Variants in MLH3 observed in about 807,000 individuals in gnomAD.
MLH3 encodes the protein mutL homolog 3, also known as DNA mismatch repair protein Mlh3.
A neutral mutation model predicts 122.2 loss-of-function variants in MLH3; 82 were observed. That is an observed-to-expected ratio of 0.67 (90% CI 0.56 to 0.81). The LOEUF (loss-of-function observed/expected upper bound fraction) is 0.81. Ranked by LOEUF, MLH3 falls within the 30% of genes least tolerant of loss-of-function variation. MLH3 has a pLI of 0.00. For missense variants in MLH3, 1,539 were observed against 1,714.5 expected, an observed-to-expected ratio of 0.90 and a Z score of 1.81; for synonymous variants, 524 against 599.5, an observed-to-expected ratio of 0.87 and a Z score of 1.84.
chr14:75,031,854 A>C (rs1411230973), intron 8 of MLH3, among the ~76,000 whole-genome samples: 1 of 152,196 alleles, frequency 6.6e-6, no homozygotes, highest in East Asian at 1.9e-4. Flanking sequence ...TGCAGAAAAA[A>C]ATATATTTTA....
At chr14:75,039,425 A>C (rs1891655550) in intron 5 of MLH3, among the ~76,000 whole-genome samples, 1 of 152,140 alleles carries the variant, frequency 6.6e-6, no homozygotes, top group African/African-American at 2.4e-5. Context: ...CAAAATAGAA[A>C]AGCAGATCAG....
At position 75,038,386 on chromosome 14, in the gene MLH3, A is replaced by G; in HGVS notation, c.3597T>C (p.Phe1199=). The G allele has an allele frequency of 6.2e-7, 1 of 1,613,724 alleles. No individual in the cohort carries two copies. Among genetic ancestry groups the G allele is most frequent in the Non-Finnish European group, 8.5e-7 (1 of 1,179,670 alleles). The change falls in exon 6 of 13, where the codon TTT becomes TTC. Residue 1199 remains phenylalanine, a synonymous_variant. Coordinates refer to ENST00000355774, the MANE Select transcript of MLH3 (RefSeq NM_001040108.2). ...TCTTAGTGCTCATCAAACAGGCAAT[A>G]AACTTGTTATCTACTTGCTGGAGAA... The part of the protein sequence containing the change: ...MQVLQQVDNK[F]IACLMSTKTE...
intron 11 of MLH3, among the ~76,000 whole-genome samples, 159 bp downstream of exon 11, chr14:75,022,653 TAA>T (rs1311590752): frequency 6.6e-6 from 1 of 152,254 alleles, no homozygotes. Flanking sequence ...TTTGTTTTTG[TAA>T]AAGTGATTTT....
intron 6 of MLH3, among the ~76,000 whole-genome samples, 166 bp from the exon 7 acceptor site, chr14:75,033,656 G>C: frequency 6.6e-6 from 1 of 152,052 alleles, no homozygotes; most frequent in South Asian, 2.1e-4. Flanking sequence ...TGAAATTATG[G>C]GGAAAATGAT....
At chr14:75,035,107 T>A (rs960486027) in intron 6 of MLH3, among the ~76,000 whole-genome samples, 7 of 144,008 alleles carry the variant, frequency 4.9e-5, no homozygotes, top group African/African-American at 1.3e-4. Context: ...AAAGAGAAAT[T>A]TCAACAGATC....
intron 5 of MLH3, 33 bp from the exon 6 acceptor site, chr14:75,038,445 A>G: frequency 7.3e-7 from 1 of 1,371,342 alleles, no homozygotes; most frequent in Non-Finnish European, 1.0e-6. Context: ...GTACAACACT[A>G]AATAAAAATT....
intron 12 of MLH3, among the ~76,000 whole-genome samples, chr14:75,018,399 A>G (rs902206561): frequency 6.6e-6 from 1 of 152,188 alleles, no homozygotes; most frequent in Non-Finnish European, 1.5e-5. Flanking sequence ...ATCCTTGGGG[A>G]TGGCCAGCTA....
chr14:75,015,870 A>T lies in MLH3; in HGVS notation c.*1212T>A, dbSNP rs1889857852. 4.4e-6 allele frequency: 1 copy of T among 228,286 alleles called. No homozygotes were observed. Among genetic ancestry groups the T allele is most frequent in the Non-Finnish European group, 8.7e-6 (1 of 114,962 alleles). The allele number at this position is 228,286 out of a possible 1,614,324, so 14.1% of individuals were successfully genotyped here. A position where few individuals can be genotyped will look rare whatever the true frequency, so the allele number is the denominator to read the frequency against. ...TGAGCACGAATTGGTTTCCTGTATT[A>T]AAAAATGAGGAAAATCATTCAATTG... On this transcript the variant is annotated 3_prime_UTR_variant, in exon 13 of 13. Transcript: ENST00000355774.
chr14:75,047,150 C>T lies in MLH3; in HGVS notation c.2506G>A (p.Glu836Lys), dbSNP rs750058752. ...NSEKFPFSKDEDCLEQQMPSL... is the reference protein window; with the variant it reads ...NSEKFPFSKDKDCLEQQMPSL... ...GGCATCTGTTGTTCTAAACAATCTTCATCCTTGGAGAATGGAAACTTCTCT... is the reference window on the plus strand; with the variant it reads ...GGCATCTGTTGTTCTAAACAATCTTTATCCTTGGAGAATGGAAACTTCTCT... The change falls in exon 2 of 13, where the codon GAA (glutamate) becomes AAA (lysine). Residue 836 changes from glutamate (E) to lysine (K), a missense_variant. Glu to Lys is a moderately conservative substitution (Grantham distance 56, BLOSUM62 1). Coordinates refer to ENST00000355774, the MANE Select transcript of MLH3 (RefSeq NM_001040108.2). The T allele has an allele frequency of 6.2e-6, 10 of 1,614,076 alleles. No individual in the cohort carries two copies. The highest frequency in any genetic ancestry group is 1.6e-4 in the Middle Eastern group (1 of 6,084).
intron 1 of MLH3, among the ~76,000 whole-genome samples, chr14:75,050,598 C>T (rs28756975): frequency 0.027 from 4,149 of 152,182 alleles, 216 homozygotes; most frequent in African/African-American, 0.095. Context: ...TGGGGTTTCA[C>T]CATGTTAACC....
rs1892502834 is a variant in MLH3, at chr14:75,049,322, T to C, written c.334A>G (p.Lys112Glu). 1 of 1,614,214 alleles carries C rather than the reference T, an allele frequency of 6.2e-7. No individual in the cohort carries two copies. The highest frequency in any genetic ancestry group is 8.5e-7 in the Non-Finnish European group (1 of 1,180,044). ...DMASAVEISSKKNRTMKTFVK... is the reference protein window; with the variant it reads ...DMASAVEISSEKNRTMKTFVK... ...AAAGTTTTCATTGTCCTGTTTTTCTTGGACGAAATTTCCACAGCACTGGCC... is the reference window on the plus strand; with the variant it reads ...AAAGTTTTCATTGTCCTGTTTTTCTCGGACGAAATTTCCACAGCACTGGCC... The change falls in exon 2 of 13, where the codon AAG becomes GAG. Residue 112 changes from lysine (K) to glutamate (E), a missense_variant. Transcript: ENST00000355774.
At position 75,016,113 on chromosome 14, in the gene MLH3, C is replaced by T. The variant is rs921460101; in HGVS notation, c.*969G>A. The stretch of plus-strand genomic sequence containing the variant: ...AATAGATTGAGAATGGCATAACAAG[C>T]ATTTGCAGAACGATCAGTCCTGGTC... On this transcript the variant is annotated 3_prime_UTR_variant, in exon 13 of 13. Transcript: ENST00000355774. 20 of 224,950 alleles carry T rather than the reference C, an allele frequency of 8.9e-5. No homozygotes were observed. In the East Asian group the frequency reaches 1.3e-3, roughly 15 times the overall value. 13.9% of individuals were successfully genotyped at this position (224,950 alleles called of 1,614,324 possible).
chr14:75,035,042 G>T (rs1421098487), intron 6 of MLH3, among the ~76,000 whole-genome samples: 2 of 106,040 alleles, frequency 1.9e-5, no homozygotes, highest in Non-Finnish European at 3.4e-5. Context: ...CCACCTGGGC[G>T]ACAGAGCAAG....
Position 75,049,100 on chromosome 14 carries a change from A to T in MLH3, c.556T>A (p.Ser186Thr), listed in dbSNP as rs777732912. The change falls in exon 2 of 13, where the codon TCT becomes ACT. Residue 186 changes from serine (S) to threonine (T), a missense_variant. Physicochemically the swap from Ser to Thr is moderately conservative, Grantham distance 58 (BLOSUM62 1). Coordinates refer to ENST00000355774, the MANE Select transcript of MLH3 (RefSeq NM_001040108.2). ...GAAACATCATTTCTCAAAGAGAAAGAAATGGAAGGGTGCATGAGTGAGAGA... is the reference window on the plus strand; with the variant it reads ...GAAACATCATTTCTCAAAGAGAAAGTAATGGAAGGGTGCATGAGTGAGAGA... Reference protein sequence around the residue: ...EALSLMHPSISFSLRNDVSGS... With the variant: ...EALSLMHPSITFSLRNDVSGS... 1 of 1,614,168 alleles carries T rather than the reference A, an allele frequency of 6.2e-7. No individual in the cohort carries two copies. Among genetic ancestry groups the T allele is most frequent in the Non-Finnish European group, 8.5e-7 (1 of 1,180,020 alleles).
In MLH3 at chr14:75,014,658, A is replaced by G. The variant is rs571641610; in HGVS notation, c.*2424T>C. 4.8e-6 allele frequency: 1 copy of G among 206,720 alleles called. No individual in the cohort carries two copies. The highest frequency in any genetic ancestry group is 9.9e-6 in the Non-Finnish European group (1 of 101,096). The allele number at this position is 206,720 out of a possible 1,614,324, so 12.8% of individuals were successfully genotyped here. A position where few individuals can be genotyped will look rare whatever the true frequency, so the allele number is the denominator to read the frequency against. On this transcript the variant is annotated 3_prime_UTR_variant, in exon 13 of 13. Coordinates refer to ENST00000355774, the MANE Select transcript of MLH3 (RefSeq NM_001040108.2). Reference sequence around the variant, plus strand: ...TTCACTTCTCAATGAAGTGTTGATGAATGTTACAGAAAAAGGAACTCTCAA... The same window carrying G: ...TTCACTTCTCAATGAAGTGTTGATGGATGTTACAGAAAAAGGAACTCTCAA...
At chr14:75,019,888 G>T (rs1315756507) in intron 11 of MLH3, among the ~76,000 whole-genome samples, 2 of 152,060 alleles carry the variant, frequency 1.3e-5, no homozygotes, top group Non-Finnish European at 2.9e-5. Context: ...GGCGCTTATG[G>T]TCTAATAGGG....
rs917849333 is a variant in MLH3, at chr14:75,015,986, G to A, written c.*1096C>T. 5 of 231,516 alleles carry A rather than the reference G, an allele frequency of 2.2e-5. No homozygotes were observed. The highest frequency in any genetic ancestry group is 3.4e-5 in the Non-Finnish European group (4 of 117,018). The allele number at this position is 231,516 out of a possible 1,614,324, so 14.3% of individuals were successfully genotyped here. A position where few individuals can be genotyped will look rare whatever the true frequency, so the allele number is the denominator to read the frequency against. On this transcript the variant is annotated 3_prime_UTR_variant, in exon 13 of 13. Coordinates refer to ENST00000355774, the MANE Select transcript of MLH3 (RefSeq NM_001040108.2). ...TTACTAATTGTATAGCACCCCAGTTGCAATAAACATTACCAGCTGGCTTTT... is the reference window on the plus strand; with the variant it reads ...TTACTAATTGTATAGCACCCCAGTTACAATAAACATTACCAGCTGGCTTTT...
Position 75,014,233 on chromosome 14 carries a change from T to G in MLH3, c.*2849A>C. On this transcript the variant is annotated 3_prime_UTR_variant, in exon 13 of 13. Transcript: ENST00000355774. Reference sequence around the variant, plus strand: ...GCTCTGACCATTTTGCTTGCCTGGGTTTTTTCACTGTCTGCCATGCGCAGA... The same window carrying G: ...GCTCTGACCATTTTGCTTGCCTGGGGTTTTTCACTGTCTGCCATGCGCAGA... 5.8e-6 allele frequency: 1 copy of G among 170,984 alleles called. No homozygotes were observed. The highest frequency in any genetic ancestry group is 1.3e-5 in the Non-Finnish European group (1 of 78,956). The allele number at this position is 170,984 out of a possible 1,614,324, so 10.6% of individuals were successfully genotyped here.
intron 2 of MLH3, 61 bp downstream of exon 2, chr14:75,046,315 C>T (rs2139542655): frequency 2.0e-6 from 3 of 1,534,482 alleles, no homozygotes; most frequent in South Asian, 1.1e-5. Flanking sequence ...GAGGATCTTA[C>T]TCCTTGTCCA....
Sources: allele counts gnomAD v4.1 joint callset (sites outside exome capture counted in the v4.1 genomes callset), GRCh38; gene constraint gnomAD v4.1.1; transcripts MANE v1.5; gene names NCBI Gene and HGNC (gene_info 2026-07-23, HGNC 2026-07-21).